PARD3: variants seen among roughly 807,000 people sequenced by gnomAD.
The protein encoded by PARD3 is partitioning defective 3 homolog.
PARD3 carries 75 observed loss-of-function variants against 155.4 expected under a neutral mutation model. The observed-to-expected ratio is 0.48, with a 90% CI of 0.40 to 0.58. The LOEUF is 0.58. Among genes scored for constraint, PARD3 ranks in the 20% least tolerant of loss-of-function variants. The pLI, the probability that PARD3 is intolerant of heterozygous loss-of-function variation, is 0.00. For missense variants in PARD3, 1,642 were observed against 1,721.7 expected, an observed-to-expected ratio of 0.95 and a Z score of 0.82; for synonymous variants, 576 against 610.5, an observed-to-expected ratio of 0.94 and a Z score of 0.83.
chr10:34,427,357 GT>G (rs2075668016), intron 5 of PARD3, among the ~76,000 whole-genome samples: 2 of 152,240 alleles, frequency 1.3e-5, no homozygotes, highest in Non-Finnish European at 2.9e-5. Context: ...CACCCTGGGA[GT>G]GTCTGCCTTA....
chr10:34,137,162 T>C (rs1210301121), intron 22 of PARD3, among the ~76,000 whole-genome samples: 1 of 152,230 alleles, frequency 6.6e-6, no homozygotes, highest in Non-Finnish European at 1.5e-5. Flanking sequence ...GTTTGTTACC[T>C]AGCTAAACGT....
At chr10:34,793,868 CA>C (rs1169719040) in intron 1 of PARD3, among the ~76,000 whole-genome samples, 5 of 152,018 alleles carry the variant, frequency 3.3e-5, no homozygotes, top group Admixed American at 3.3e-4. Context: ...GGAGATAATC[CA>C]TAACAAATGG....
chr10:34,685,617 G>C (rs571152403), intron 2 of PARD3, among the ~76,000 whole-genome samples: 4 of 146,566 alleles, frequency 2.7e-5, no homozygotes, highest in Non-Finnish European at 6.0e-5. Context: ...TTTTGGAGAC[G>C]GAGTCTCACT....
intron 2 of PARD3, among the ~76,000 whole-genome samples, chr10:34,518,350 C>T (rs1422667054): frequency 6.6e-6 from 1 of 152,166 alleles, no homozygotes; most frequent in Non-Finnish European, 1.5e-5. Flanking sequence ...GTACCCAGAT[C>T]GTGGTTTCTA....
chr10:34,704,474 GAC>G (rs1330920907), intron 1 of PARD3, among the ~76,000 whole-genome samples: 1 of 152,166 alleles, frequency 6.6e-6, no homozygotes. Context: ...CACACAAAGA[GAC>G]AGAGATCCTA....
chr10:34,420,016 A>G (rs188061136), intron 5 of PARD3, among the ~76,000 whole-genome samples: 1 of 152,366 alleles, frequency 6.6e-6, no homozygotes, highest in East Asian at 1.9e-4. Context: ...CAATGGCACA[A>G]TCTTGGCATA....
intron 22 of PARD3, among the ~76,000 whole-genome samples, chr10:34,250,003 C>A (rs929402551): frequency 1.3e-5 from 2 of 152,114 alleles, no homozygotes; most frequent in Admixed American, 1.3e-4. Flanking sequence ...TTGTTCTTTC[C>A]AATTGATGGC....
At chr10:34,493,305 T>C (rs918824518) in intron 3 of PARD3, among the ~76,000 whole-genome samples, 2 of 152,206 alleles carry the variant, frequency 1.3e-5, no homozygotes, top group African/African-American at 2.4e-5. Flanking sequence ...ATGTCTTCAA[T>C]CAATTCAAAA....
At position 34,756,344 on chromosome 10, in the gene PARD3, G is replaced by A. The variant is rs527615881; in HGVS notation, c.120+58532C>T. ...AATTTTTTGTGTTTTTAGTAGAGAC[G>A]GGGTTTCAGCGTGTTAGCCAGGATG... On this transcript the variant is annotated intron_variant, in intron 1 of 24. Coordinates refer to ENST00000374788, the MANE Select transcript of PARD3 (RefSeq NM_001184785.2). 1.3e-4 allele frequency among the ~76,000 whole-genome samples: 20 copies of A among 150,958 alleles called. 1 individual carries two copies. Among genetic ancestry groups the A allele is most frequent in the African/African-American group, 4.1e-4 (17 of 41,098 alleles).
chr10:34,520,119 CATAAT>C (rs1187034742), intron 2 of PARD3, among the ~76,000 whole-genome samples: 3 of 152,124 alleles, frequency 2.0e-5, no homozygotes, highest in African/African-American at 4.8e-5. Flanking sequence ...GAGTAGGACT[CATAAT>C]TACAGTCCTC....
intron 5 of PARD3, among the ~76,000 whole-genome samples, chr10:34,433,688 C>T (rs1353603305): frequency 6.6e-6 from 1 of 152,122 alleles, no homozygotes; most frequent in Non-Finnish European, 1.5e-5. Context: ...AAAAGTTAAT[C>T]ATTCAATGTA....
At chr10:34,168,640 A>G (rs1457191999) in intron 22 of PARD3, among the ~76,000 whole-genome samples, 4 of 152,176 alleles carry the variant, frequency 2.6e-5, no homozygotes, top group African/African-American at 9.7e-5. Context: ...CGAAGGATTC[A>G]TTGGCTCTGA....
intron 1 of PARD3, among the ~76,000 whole-genome samples, chr10:34,779,545 C>T (rs1473849007): frequency 2.7e-5 from 4 of 150,714 alleles, no homozygotes; most frequent in African/African-American, 9.8e-5. Context: ...GGCATGAACC[C>T]GGGAGGCAGA....
intron 2 of PARD3, among the ~76,000 whole-genome samples, chr10:34,624,359 T>C (rs2091872325): frequency 6.6e-6 from 1 of 152,044 alleles, no homozygotes; most frequent in Non-Finnish European, 1.5e-5. Flanking sequence ...GAAAGAAAAC[T>C]AGGTAAAAAA....
chr10:34,256,403 G>A (rs1322574724), intron 22 of PARD3, among the ~76,000 whole-genome samples: 6 of 152,220 alleles, frequency 3.9e-5, no homozygotes, highest in Non-Finnish European at 8.8e-5. Flanking sequence ...TACCACAGCC[G>A]GAGCAGGGCC....
intron 1 of PARD3, among the ~76,000 whole-genome samples, chr10:34,778,845 C>T (rs1419906826): frequency 6.6e-6 from 1 of 152,184 alleles, no homozygotes; most frequent in Non-Finnish European, 1.5e-5. Context: ...TTTCACCTAT[C>T]GTTTCCTTAA....
chr10:34,814,832 T>TC (rs1489707882), intron 1 of PARD3, 44 bp downstream of exon 1: 38 of 1,202,344 alleles, frequency 3.2e-5, no homozygotes, highest in Non-Finnish European at 3.8e-5. Context: ...CCCGGCGCCG[T>TC]CCCCGCCGCC....
intron 5 of PARD3, among the ~76,000 whole-genome samples, chr10:34,448,918 CTTTTT>C (rs751029992): frequency 7.5e-6 from 1 of 133,818 alleles, no homozygotes; most frequent in Non-Finnish European, 1.6e-5. Flanking sequence ...GATAAATTAT[CTTTTT>C]TTTTTTTTTT....
intron 2 of PARD3, among the ~76,000 whole-genome samples, chr10:34,521,662 C>G (rs1039748328): frequency 2.6e-5 from 4 of 152,162 alleles, no homozygotes; most frequent in Admixed American, 2.0e-4. Context: ...TAGAAATAAA[C>G]TCTAAACATT....
Sources: gnomAD v4.1 joint callset for allele counts (sites outside exome capture counted in the v4.1 genomes callset) on GRCh38, gnomAD v4.1.1 for gene constraint, MANE v1.5 for transcripts, NCBI Gene and HGNC (gene_info 2026-07-23, HGNC 2026-07-21) for gene names.